SDCCAG8: variants seen among roughly 807,000 people sequenced by gnomAD.
SDCCAG8 encodes the protein SHH signaling and ciliogenesis regulator SDCCAG8.
A neutral mutation model predicts 101.8 loss-of-function variants in SDCCAG8; 74 were observed. That is an observed-to-expected ratio of 0.73 (90% CI 0.60 to 0.88). The LOEUF (loss-of-function observed/expected upper bound fraction) is 0.88, where lower values mean the gene tolerates loss of function less well. Ranked by LOEUF, SDCCAG8 falls within the 40% of genes least tolerant of loss-of-function variation. The probability of loss-of-function intolerance (pLI) is 0.00; values close to 1 mark genes in which losing one functional copy is unlikely to be tolerated. For missense variants in SDCCAG8, 787 were observed against 822.6 expected (o/e 0.96, Z 0.53); for synonymous variants, 281 against 292.9 (o/e 0.96, Z 0.41).
intron 9 of SDCCAG8, among the ~76,000 whole-genome samples, chr1:243,327,956 G>T (rs572744754): frequency 9.0e-4 from 137 of 152,300 alleles, no homozygotes; most frequent in African/African-American, 3.2e-3. Context: ...AGGCTGTAGT[G>T]CAGTGGTGCG....
intron 17 of SDCCAG8, among the ~76,000 whole-genome samples, chr1:243,489,372 G>A (rs556468991): frequency 6.6e-6 from 1 of 152,342 alleles, no homozygotes; most frequent in East Asian, 1.9e-4. Flanking sequence ...CCCGGCCCGC[G>A]AATCAACGAA....
chr1:243,491,874 G>A (rs1041574449), intron 17 of SDCCAG8, among the ~76,000 whole-genome samples: 4 of 152,166 alleles, frequency 2.6e-5, no homozygotes, highest in African/African-American at 4.8e-5. Flanking sequence ...AAAGGCTTCC[G>A]TTTTCTCAGC....
At chr1:243,262,866 A>G (rs1263095305) in intron 1 of SDCCAG8, among the ~76,000 whole-genome samples, 2 of 152,242 alleles carry the variant, frequency 1.3e-5, no homozygotes. Flanking sequence ...TGATGGCGGA[A>G]CTTCATCAAA....
chr1:243,273,698 C>A (rs1346289426), intron 3 of SDCCAG8, among the ~76,000 whole-genome samples: 3 of 152,194 alleles, frequency 2.0e-5, no homozygotes, highest in African/African-American at 7.2e-5. Flanking sequence ...AGAATCTCTC[C>A]TTCACGGAGC....
rs879591116 is a variant in SDCCAG8, at chr1:243,362,008, GGCC to G, written c.1474-16712_1474-16710del. On this transcript the variant is annotated intron_variant, in intron 12 of 17. Transcript: ENST00000366541. ...TGGATGGATAGGTGGGTGAAGAGAT[GGCC>G]AAGTGACTGCCTCAAGTAACACAGT... is the stretch of plus-strand genomic sequence containing the variant. 6.6e-3 allele frequency among the ~76,000 whole-genome samples: 1,004 copies of G among 151,824 alleles called. 38 individuals carry two copies. The highest frequency in any genetic ancestry group is 8.2e-3 in the Non-Finnish European group (557 of 67,914).
At chr1:243,281,887 C>G (rs2149278542) in intron 4 of SDCCAG8, among the ~76,000 whole-genome samples, 1 of 152,256 alleles carries the variant, frequency 6.6e-6, no homozygotes, top group East Asian at 1.9e-4. Context: ...CCCAAGTGAT[C>G]CTCCCACCTC....
intron 13 of SDCCAG8, among the ~76,000 whole-genome samples, chr1:243,385,006 G>T (rs115766721): frequency 0.014 from 2,066 of 152,190 alleles, 17 homozygotes; most frequent in Non-Finnish European, 0.021. Context: ...GTCATAAGAC[G>T]CTGTGCTAGG....
At chr1:243,341,568 T>G (rs2075383728) in intron 11 of SDCCAG8, among the ~76,000 whole-genome samples, 1 of 152,246 alleles carries the variant, frequency 6.6e-6, no homozygotes, top group Admixed American at 6.5e-5. Context: ...TTACAATAAT[T>G]GCCAAAGACA....
intron 16 of SDCCAG8, among the ~76,000 whole-genome samples, chr1:243,483,197 C>T (rs1189943784): frequency 6.6e-6 from 1 of 152,090 alleles, no homozygotes; most frequent in Non-Finnish European, 1.5e-5. Flanking sequence ...GGCTGCGGAG[C>T]CCGGGGAGGA....
At chr1:243,382,055 T>C (rs538235036) in intron 13 of SDCCAG8, among the ~76,000 whole-genome samples, 9 of 152,266 alleles carry the variant, frequency 5.9e-5, no homozygotes, top group African/African-American at 9.6e-5. Flanking sequence ...GAGAGACCAA[T>C]ATATACAGAG....
intron 10 of SDCCAG8, among the ~76,000 whole-genome samples, chr1:243,340,780 C>A (rs536856455): frequency 6.6e-6 from 1 of 152,218 alleles, no homozygotes; most frequent in East Asian, 1.9e-4. Flanking sequence ...GGGTTTCAAC[C>A]AAAACCTTGA....
At chr1:243,316,190 A>G (rs2073215296) in intron 8 of SDCCAG8, among the ~76,000 whole-genome samples, 1 of 152,238 alleles carries the variant, frequency 6.6e-6, no homozygotes, top group Non-Finnish European at 1.5e-5. Flanking sequence ...CATAGCCAGG[A>G]GATTGGAGGA....
chr1:243,365,470 C>A (rs1347766277), intron 12 of SDCCAG8, among the ~76,000 whole-genome samples: 1 of 152,080 alleles, frequency 6.6e-6, no homozygotes, highest in East Asian at 1.9e-4. Context: ...CCAAAAGTTT[C>A]ATTTTATATT....
At position 243,415,727 on chromosome 1, in the gene SDCCAG8, A is replaced by C. The variant is rs1388276184; in HGVS notation, c.1642A>C (p.Ser548Arg). The change falls in exon 14 of 18, where the codon AGC becomes CGC. Residue 548 changes from serine to arginine, a missense_variant. By Grantham distance (110) the Ser-to-Arg change is moderately radical (BLOSUM62 -1). Coordinates refer to ENST00000366541, the MANE Select transcript of SDCCAG8 (RefSeq NM_006642.5). ...TRQEKDSIQQ[S>R]FSKEAKAQAL... Reference sequence around the variant, plus strand: ...ACAGGAAAAAGATAGCATTCAGCAGAGCTTTAGCAAGGAAGCAAAGGCCCA... The same window carrying C: ...ACAGGAAAAAGATAGCATTCAGCAGCGCTTTAGCAAGGAAGCAAAGGCCCA... 4 of 1,613,716 alleles carry C rather than the reference A, an allele frequency of 2.5e-6. No individual in the cohort carries two copies. Among genetic ancestry groups the C allele is most frequent in the Non-Finnish European group, 3.4e-6 (4 of 1,179,796 alleles).
chr1:243,493,117 C>T (rs1285111941), intron 17 of SDCCAG8, among the ~76,000 whole-genome samples: 1 of 151,966 alleles, frequency 6.6e-6, no homozygotes, highest in Non-Finnish European at 1.5e-5. Context: ...TCAGGGCCTC[C>T]AGACACACAC....
intron 16 of SDCCAG8, chr1:243,476,012 A>C (rs1214228676): frequency 1.0e-6 from 1 of 985,154 alleles, no homozygotes; most frequent in Non-Finnish European, 1.2e-6. Context: ...AGGCCTAATC[A>C]CTCTGATCTG....
chr1:243,363,539 A>C (rs936972691), intron 12 of SDCCAG8, among the ~76,000 whole-genome samples: 1 of 152,236 alleles, frequency 6.6e-6, no homozygotes, highest in Non-Finnish European at 1.5e-5. Context: ...GTTCATCTAG[A>C]TAACCTGGAT....
intron 9 of SDCCAG8, among the ~76,000 whole-genome samples, chr1:243,321,790 A>T (rs2149338101): frequency 1.3e-5 from 2 of 152,286 alleles, no homozygotes; most frequent in Middle Eastern, 6.8e-3. Context: ...CTGGGATTAC[A>T]GGTGTGCACC....
intron 1 of SDCCAG8, chr1:243,267,590 CA>C (rs1481487471): frequency 2.3e-5 from 12 of 530,120 alleles, no homozygotes; most frequent in African/African-American, 1.8e-4. Context: ...CGACAAGAGC[CA>C]AACTCCCTCT....
Sources: allele counts gnomAD v4.1 joint callset (sites outside exome capture counted in the v4.1 genomes callset), GRCh38; gene constraint gnomAD v4.1.1; transcripts MANE v1.5; gene names NCBI Gene and HGNC (gene_info 2026-07-23, HGNC 2026-07-21).